Variants in PTPRD observed in about 807,000 individuals in gnomAD.
The protein encoded by PTPRD is receptor-type tyrosine-protein phosphatase delta.
A neutral mutation model predicts 214.5 loss-of-function variants in PTPRD; 34 were observed. The observed-to-expected ratio is 0.16, with a 90% CI of 0.12 to 0.21. The LOEUF is 0.21. Among genes scored for constraint, PTPRD ranks in the 10% least tolerant of loss-of-function variants. The pLI, the probability that PTPRD is intolerant of heterozygous loss-of-function variation, is 1.00. For synonymous variants in PTPRD, 1,128 were observed against 845.7 expected, an observed-to-expected ratio of 1.33 and a Z score of -5.79; for missense variants, 2,545 against 2,398.7, an observed-to-expected ratio of 1.06 and a Z score of -1.27.
chr9:9,511,390 G>C (rs2154244578), intron 8 of PTPRD, among the ~76,000 whole-genome samples: 1 of 151,790 alleles, frequency 6.6e-6, no homozygotes, highest in South Asian at 2.1e-4. Context: ...GATGCTAGGT[G>C]AATATCTGTA....
intron 7 of PTPRD, among the ~76,000 whole-genome samples, chr9:9,626,462 G>A (rs1210963326): frequency 6.6e-6 from 1 of 152,092 alleles, no homozygotes; most frequent in Non-Finnish European, 1.5e-5. Context: ...AGAACTACTG[G>A]GGGAAAATCG....
At position 9,551,220 on chromosome 9, in the gene PTPRD, C is replaced by T. The variant is rs182661090; in HGVS notation, c.-237+23512G>A. 2.9e-3 allele frequency among the ~76,000 whole-genome samples: 440 copies of T among 152,050 alleles called. 8 individuals carry two copies. Among genetic ancestry groups the T allele is most frequent in the Non-Finnish European group, 1.3e-3 (85 of 67,896 alleles). On this transcript the variant is annotated intron_variant, in intron 8 of 45. Transcript: ENST00000381196. ...GATAATCAACCTGGCGCTAAATAAA[C>T]TGCATAAATTTTACCTGAGAAGGAT...
At position 10,432,992 on chromosome 9, in the gene PTPRD, G is replaced by A. The variant is rs533645592; in HGVS notation, c.-599-91975C>T. On this transcript the variant is annotated intron_variant, in intron 2 of 45. Transcript: ENST00000381196. The stretch of plus-strand genomic sequence containing the variant: ...TTTGCCTTTCTTGTCAGGTCCATAC[G>A]TAAGTCCCTGTTACTAATATAGCTC... Among the ~76,000 whole-genome samples the A allele has an allele frequency of 4.0e-5, 6 of 151,834 alleles. No homozygotes were observed. The South Asian group carries it at 6.2e-4, about 16-fold the overall frequency.
rs143221427 is a variant in PTPRD at position 9,852,650 on chromosome 9, A to G, written c.-367-85799T>C. ...CCTTTATATTGTCTTTATAAATAAG[A>G]TAAAGATTATTCCTTTTTTCTTTTA... On this transcript the variant is annotated intron_variant, in intron 5 of 45. Coordinates refer to ENST00000381196, the MANE Select transcript of PTPRD (RefSeq NM_002839.4). 3.7e-4 allele frequency among the ~76,000 whole-genome samples: 57 copies of G among 152,250 alleles called. 1 individual carries two copies. In the East Asian group the frequency reaches 0.011, roughly 29 times the overall value.
At chr9:8,561,270 A>C (rs980806253) in intron 14 of PTPRD, among the ~76,000 whole-genome samples, 2 of 151,940 alleles carry the variant, frequency 1.3e-5, no homozygotes, top group African/African-American at 4.8e-5. Context: ...CCTCATTCTG[A>C]GTCCATAAAA....
At chr9:10,419,777 C>A (rs559439754) in intron 2 of PTPRD, among the ~76,000 whole-genome samples, 1 of 151,678 alleles carries the variant, frequency 6.6e-6, no homozygotes, top group Non-Finnish European at 1.5e-5. Flanking sequence ...TTATCATGTA[C>A]AATCTGAAAT....
chr9:9,255,331 G>C (rs185790491), intron 9 of PTPRD, among the ~76,000 whole-genome samples: 183 of 152,092 alleles, frequency 1.2e-3, no homozygotes, highest in African/African-American at 3.9e-3. Flanking sequence ...TCCTTTAAAA[G>C]CCATTTGCTT....
intron 5 of PTPRD, among the ~76,000 whole-genome samples, chr9:9,832,912 G>T (rs2055388790): frequency 6.7e-6 from 1 of 150,062 alleles, no homozygotes; most frequent in African/African-American, 2.4e-5. Flanking sequence ...TTTCCCATAT[G>T]AGAGAGGAAA....
At chr9:8,365,775 A>T (rs1414300710) in intron 39 of PTPRD, among the ~76,000 whole-genome samples, 1 of 152,150 alleles carries the variant, frequency 6.6e-6, no homozygotes, top group Non-Finnish European at 1.5e-5. Context: ...TTCCCCTTTG[A>T]TGTCCTCAGA....
At chr9:9,188,724 G>T (rs1277810322) in intron 9 of PTPRD, among the ~76,000 whole-genome samples, 1 of 151,992 alleles carries the variant, frequency 6.6e-6, no homozygotes, top group Non-Finnish European at 1.5e-5. Context: ...TTGAAGGATT[G>T]CAGGATCTAA....
intron 26 of PTPRD, among the ~76,000 whole-genome samples, chr9:8,493,985 CACAG>C (rs1481457757): frequency 7.5e-6 from 1 of 133,846 alleles, no homozygotes; most frequent in Non-Finnish European, 1.6e-5. Flanking sequence ...TGCGCACACA[CACAG>C]ACACACACAG....
chr9:10,191,172 G>A (rs181990955), intron 3 of PTPRD, among the ~76,000 whole-genome samples: 1 of 152,034 alleles, frequency 6.6e-6, no homozygotes, highest in South Asian at 2.1e-4. Context: ...GAATAAGAAA[G>A]AAATGATGTT....
chr9:9,258,703 C>T (rs2099978831), intron 9 of PTPRD, among the ~76,000 whole-genome samples: 1 of 151,846 alleles, frequency 6.6e-6, no homozygotes, highest in Non-Finnish European at 1.5e-5. Flanking sequence ...ACAAAACCTA[C>T]TGCTTTTAGT....
intron 3 of PTPRD, among the ~76,000 whole-genome samples, chr9:10,160,870 G>C (rs944522088): frequency 4.0e-5 from 6 of 151,896 alleles, no homozygotes; most frequent in Non-Finnish European, 5.9e-5. Flanking sequence ...ATTCAGTACA[G>C]TTGGAAGATA....
intron 9 of PTPRD, among the ~76,000 whole-genome samples, chr9:9,190,601 A>G (rs927679905): frequency 6.6e-6 from 1 of 151,952 alleles, no homozygotes; most frequent in Admixed American, 6.6e-5. Flanking sequence ...TCTGAATTTC[A>G]CCATGTGATG....
At chr9:8,783,190 G>T (rs369518535) in intron 11 of PTPRD, among the ~76,000 whole-genome samples, 1 of 152,118 alleles carries the variant, frequency 6.6e-6, no homozygotes, top group African/African-American at 2.4e-5. Context: ...CCATTTTAAA[G>T]TCAGAACAAA....
At chr9:9,614,902 A>C (rs1423399141) in intron 7 of PTPRD, among the ~76,000 whole-genome samples, 1 of 152,102 alleles carries the variant, frequency 6.6e-6, no homozygotes, top group Non-Finnish European at 1.5e-5. Flanking sequence ...CTCCCAATGC[A>C]CCCTTCAATA....
chr9:10,124,736 G>C (rs912393654), intron 3 of PTPRD, among the ~76,000 whole-genome samples: 4 of 152,168 alleles, frequency 2.6e-5, no homozygotes, highest in Admixed American at 1.3e-4. Flanking sequence ...TAATAATAAA[G>C]TTGCATGGGC....
intron 2 of PTPRD, among the ~76,000 whole-genome samples, chr9:10,484,662 G>A (rs1401933705): frequency 1.3e-5 from 2 of 151,900 alleles, no homozygotes; most frequent in Admixed American, 6.6e-5. Context: ...CTTTTCATAT[G>A]TCTGCCATTG....
Sources: gnomAD v4.1 joint callset for allele counts (sites outside exome capture counted in the v4.1 genomes callset) on GRCh38, gnomAD v4.1.1 for gene constraint, MANE v1.5 for transcripts, NCBI Gene and HGNC (gene_info 2026-07-23, HGNC 2026-07-21) for gene names.